Variants in FH observed in about 807,000 individuals in gnomAD.
FH encodes the protein fumarate hydratase, also known as fumarate hydratase, mitochondrial.
FH carries 22 observed loss-of-function variants against 49.4 expected under a neutral mutation model. The observed-to-expected ratio is 0.45, with a 90% CI of 0.32 to 0.64. FH has a LOEUF of 0.64. Ranked by LOEUF, FH falls within the 30% of genes least tolerant of loss-of-function variation. The probability of loss-of-function intolerance (pLI) is 0.05; values close to 1 mark genes in which losing one functional copy is unlikely to be tolerated. For missense variants in FH, 526 were observed against 641.5 expected (o/e 0.82, Z 1.95); for synonymous variants, 208 against 223.0 (o/e 0.93, Z 0.60).
intron 3 of FH, 44 bp from the exon 4 acceptor site, chr1:241,512,187 T>C (rs1215371070): frequency 1.3e-6 from 2 of 1,543,300 alleles, no homozygotes; most frequent in Non-Finnish European, 1.8e-6. Context: ...AAGGAAATAA[T>C]AATGCTGATT....
intron 4 of FH, among the ~76,000 whole-genome samples, chr1:241,510,731 T>C (rs867042793): frequency 1.3e-5 from 2 of 152,306 alleles, no homozygotes; most frequent in Admixed American, 6.5e-5. Context: ...GATTTTAATG[T>C]AAGCCCAAAA....
intron 1 of FH, among the ~76,000 whole-genome samples, chr1:241,518,600 T>C (rs1660282999): frequency 1.3e-5 from 2 of 152,212 alleles, no homozygotes. Flanking sequence ...ACTCGCTACA[T>C]GGTATTTTCA....
intron 6 of FH, among the ~76,000 whole-genome samples, chr1:241,505,198 C>T (rs1659880982): frequency 2.0e-5 from 3 of 151,926 alleles, no homozygotes. Flanking sequence ...GGTGTGAGCC[C>T]CCATGTCCGG....
At chr1:241,503,998 C>T (rs1489356969) in intron 7 of FH, 44 bp downstream of exon 7, 1 of 1,562,618 alleles carries the variant, frequency 6.4e-7, no homozygotes. Flanking sequence ...ATGCCTAGGA[C>T]CTAGTCAAGT....
intron 7 of FH, among the ~76,000 whole-genome samples, chr1:241,503,509 C>A (rs1036315727): frequency 1.6e-4 from 25 of 152,174 alleles, no homozygotes; most frequent in Admixed American, 1.3e-4. Flanking sequence ...TGTTGAAGGG[C>A]AGAGCCCTTC....
intron 5 of FH, among the ~76,000 whole-genome samples, chr1:241,507,949 A>T (rs1659970848): frequency 6.6e-6 from 1 of 152,228 alleles, no homozygotes; most frequent in Non-Finnish European, 1.5e-5. Flanking sequence ...TTCACAATGT[A>T]TACTATTAGA....
Position 241,500,602 on chromosome 1 carries a change from T to TAA in FH, c.1237-13_1237-12insTT, listed in dbSNP as rs1553340725. The TAA allele has an allele frequency of 1.7e-5, 26 of 1,488,420 alleles. No individual in the cohort carries two copies. The Admixed American group carries it at 2.6e-4, about 15-fold the overall frequency. 92.2% of individuals were successfully genotyped at this position (1,488,420 alleles called of 1,614,324 possible). A position where few individuals can be genotyped will look rare whatever the true frequency, so the allele number is the denominator to read the frequency against. Reference sequence around the variant, plus strand: ...AACACATTTTTAATCTTTGAGTGAGTGAGAGAGAGAGAGAGAGAGAGAGAG... The same window carrying TAA: ...AACACATTTTTAATCTTTGAGTGAGTAAGAGAGAGAGAGAGAGAGAGAGAGAG... On this transcript the variant is annotated splice_polypyrimidine_tract_variant and intron_variant, in intron 8 of 9. Coordinates refer to ENST00000366560, the MANE Select transcript of FH (RefSeq NM_000143.4).
chr1:241,509,199 T>C (rs1488591918), intron 4 of FH, among the ~76,000 whole-genome samples: 1 of 151,698 alleles, frequency 6.6e-6, no homozygotes, highest in Non-Finnish European at 1.5e-5. Flanking sequence ...TTGAATATCT[T>C]ATAATTATAT....
intron 6 of FH, among the ~76,000 whole-genome samples, 162 bp downstream of exon 6, chr1:241,505,837 ATAAT>A (rs1378330766): frequency 1.3e-5 from 2 of 152,246 alleles, no homozygotes; most frequent in African/African-American, 2.4e-5. Flanking sequence ...TAAAAGGCAA[ATAAT>A]TAACATTATA....
At chr1:241,508,289 T>C (rs1374347124) in intron 5 of FH, among the ~76,000 whole-genome samples, 3 of 152,180 alleles carry the variant, frequency 2.0e-5, no homozygotes, top group Non-Finnish European at 1.5e-5. Flanking sequence ...GGGAAATTAT[T>C]TTCCTCATTT....
In FH at chr1:241,508,664, G is replaced by A; in HGVS notation, c.677C>T (p.Ala226Val). 3 of 1,613,656 alleles carry A rather than the reference G, an allele frequency of 1.9e-6. No homozygotes were observed. The highest frequency in any genetic ancestry group is 2.5e-6 in the Non-Finnish European group (3 of 1,179,634). The change falls in exon 5 of 10, where the codon GCA becomes GTA. Residue 226 changes from alanine (A) to valine (V), a missense_variant. Coordinates refer to ENST00000366560, the MANE Select transcript of FH (RefSeq NM_000143.4). ...AGTACGTCCAATCTTGATGATCTGT[G>A]CAAACTCTTTGGATTTTGCATCAAG... ...DALDAKSKEFAQIIKIGRTHT... is the reference protein window; with the variant it reads ...DALDAKSKEFVQIIKIGRTHT...
At chr1:241,498,606 A>G (rs1425964001) in intron 9 of FH, among the ~76,000 whole-genome samples, 1 of 149,924 alleles carries the variant, frequency 6.7e-6, no homozygotes, top group East Asian at 2.0e-4. Flanking sequence ...GACTGCACAA[A>G]AGATCACAGG....
chr1:241,500,709 C>T, intron 8 of FH, 119 bp from the exon 9 acceptor site: 1 of 1,345,312 alleles, frequency 7.4e-7, no homozygotes, highest in Non-Finnish European at 1.0e-6. Context: ...ATATACAATT[C>T]AATAAACATA....
chr1:241,506,001 A>G lies in FH; in HGVS notation c.904+2T>C. 1 of 1,613,780 alleles carries G rather than the reference A, an allele frequency of 6.2e-7. No individual in the cohort carries two copies. Among genetic ancestry groups the G allele is most frequent in the Non-Finnish European group, 8.5e-7 (1 of 1,179,738 alleles). On this transcript the variant is annotated splice_donor_variant, in intron 6 of 9. Coordinates refer to ENST00000366560, the MANE Select transcript of FH (RefSeq NM_000143.4). LOFTEE classifies it high-confidence loss of function. ...TGAGAAATAATTCACGTGATCACTA[A>G]CCTGTAAGTGCAGCCACTTTTGCAG...
In FH at chr1:241,511,761, T is replaced by C. The variant is rs778970769; in HGVS notation, c.555+206A>G. ...GAGTTTTAAACAATAAAAAAATACA[T>C]ACACTAAATTCAGGTGTCCTAAAAA... is the stretch of plus-strand genomic sequence containing the variant. On this transcript the variant is annotated intron_variant, in intron 4 of 9. Coordinates refer to ENST00000366560, the MANE Select transcript of FH (RefSeq NM_000143.4). 1,034 of 553,700 alleles carry C rather than the reference T, an allele frequency of 1.9e-3. 10 individuals are homozygous for C. Among genetic ancestry groups the C allele is most frequent in the Non-Finnish European group, 1.0e-3 (314 of 312,856 alleles). 34.3% of individuals were successfully genotyped at this position (553,700 alleles called of 1,614,324 possible).
chr1:241,509,794 C>T (rs1385729594), intron 4 of FH, among the ~76,000 whole-genome samples: 1 of 142,738 alleles, frequency 7.0e-6, no homozygotes, highest in South Asian at 2.1e-4. Context: ...CACACACACA[C>T]ACACACACAC....
chr1:241,516,676 C>A (rs1000857946), intron 2 of FH, among the ~76,000 whole-genome samples: 10 of 148,734 alleles, frequency 6.7e-5, no homozygotes, highest in African/African-American at 2.0e-4. Context: ...TTTTTTGAGA[C>A]GGAGTCTCAC....
In FH at chr1:241,506,026, G is replaced by A. The variant is rs147437099; in HGVS notation, c.881C>T (p.Ala294Val). 6.2e-7 allele frequency: 1 copy of A among 1,613,970 alleles called. No homozygotes were observed. Among genetic ancestry groups the A allele is most frequent in the Non-Finnish European group, 8.5e-7 (1 of 1,179,920 alleles). Residue 294 changes from alanine (A) to valine (V), a missense_variant, in exon 6 of 10, where the codon GCT (alanine) becomes GTT (valine). Around this residue, in one of 2 missense-constraint regions of FH, gnomAD observed 383 missense variants for 514.0 expected, o/e 0.75. Coordinates refer to ENST00000366560, the MANE Select transcript of FH (RefSeq NM_000143.4). ...NTRIGFAEKV[A>V]AKVAALTGLP... ...ACCTGTAAGTGCAGCCACTTTTGCA[G>A]CAACCTTTTCTGCAAAGCCAATTCT...
At chr1:241,518,773 C>G (rs1660287207) in intron 1 of FH, among the ~76,000 whole-genome samples, 1 of 152,210 alleles carries the variant, frequency 6.6e-6, no homozygotes, top group Admixed American at 6.5e-5. Context: ...GTATTTAAAG[C>G]TTTTTAAAAG....
Sources: allele counts gnomAD v4.1 joint callset (sites outside exome capture counted in the v4.1 genomes callset), GRCh38; gene constraint gnomAD v4.1.1; regional missense constraint gnomAD v4.1.1; transcripts MANE v1.5; gene names NCBI Gene and HGNC (gene_info 2026-07-23, HGNC 2026-07-21).